DMGDH: variants seen among roughly 807,000 people sequenced by gnomAD.
The protein encoded by DMGDH is dimethylglycine dehydrogenase, also known as dimethylglycine dehydrogenase, mitochondrial.
In DMGDH, 76 loss-of-function variants were observed where a neutral mutation model predicts 95.2. The ratio of observed to expected loss-of-function variants is 0.80; its 90% CI spans 0.66 to 0.97. The LOEUF (loss-of-function observed/expected upper bound fraction) is 0.97, where lower values mean the gene tolerates loss of function less well. DMGDH is among the 50% of genes least tolerant of loss of function. The probability of loss-of-function intolerance (pLI) is 0.00; values close to 1 mark genes in which losing one functional copy is unlikely to be tolerated. For missense variants in DMGDH, 987 were observed against 1,055.0 expected, an observed-to-expected ratio of 0.94 and a Z score of 0.89; for synonymous variants, 345 against 377.6, an observed-to-expected ratio of 0.91 and a Z score of 1.00.
rs1188295868 is a variant in DMGDH at position 79,030,859 on chromosome 5, G to A, written c.1657C>T (p.His553Tyr). 2 of 1,613,864 alleles carry A rather than the reference G, an allele frequency of 1.2e-6. No individual in the cohort carries two copies. Among genetic ancestry groups the A allele is most frequent in the East Asian group, 4.5e-5 (2 of 44,870 alleles). Residue 553 changes from histidine (H) to tyrosine (Y), a missense_variant, in exon 10 of 16, where the codon CAT (histidine) becomes TAT (tyrosine). His to Tyr is a moderately conservative substitution (Grantham distance 83, BLOSUM62 2). Transcript: ENST00000255189. ...TTTGGAATGACATTTGCAAAGAGAT[G>A]GTCCAGTAGTCTAATGGAATCTTGG... ...KGQDSIRLLD[H>Y]LFANVIPKVG... is the part of the protein sequence containing the mutation.
In DMGDH at chr5:79,069,611, G is replaced by T. The variant is rs1755495652; in HGVS notation, c.10C>A (p.Pro4Thr). Residue 4 changes from proline (P) to threonine (T), a missense_variant, in exon 1 of 16, where the codon CCC becomes ACC. Coordinates refer to ENST00000255189, the MANE Select transcript of DMGDH (RefSeq NM_013391.3). MLRPGAQLLRGLLL... is the reference protein window; with the variant it reads MLRTGAQLLRGLLL... The stretch of plus-strand genomic sequence containing the variant: ...AGGCCCCGCAGCAGCTGCGCGCCGG[G>T]ACGGAGCATGACTAGGCCGAGGCCG... The T allele has an allele frequency of 2.9e-6, 4 of 1,372,782 alleles. No homozygotes were observed. The African/African-American group carries it at 6.0e-5, about 21-fold the overall frequency. The allele number at this position is 1,372,782 out of a possible 1,614,324, so 85.0% of individuals were successfully genotyped here.
At chr5:79,011,423 CA>C (rs1753645390) in intron 14 of DMGDH, among the ~76,000 whole-genome samples, 1 of 152,168 alleles carries the variant, frequency 6.6e-6, no homozygotes, top group Non-Finnish European at 1.5e-5. Context: ...CATAAGTTAA[CA>C]ATAACCACAA....
At chr5:79,050,273 AATATATATATATATATAT>A (rs761250761) in intron 5 of DMGDH, among the ~76,000 whole-genome samples, 1 of 20,916 alleles carries the variant, frequency 4.8e-5, no homozygotes, top group African/African-American at 1.6e-4. Context: ...AAAAAAAAAA[AATATATATATATATATAT>A]ATATATATAT....
intron 14 of DMGDH, among the ~76,000 whole-genome samples, chr5:79,019,955 T>C (rs1274426648): frequency 1.3e-5 from 2 of 152,210 alleles, no homozygotes; most frequent in African/African-American, 2.4e-5. Flanking sequence ...TGGCAGCTTC[T>C]GATTTTGGGG....
rs1298123752 is a variant in DMGDH at position 79,033,402 on chromosome 5, G to A, written c.1200C>T (p.Gly400=). 6.2e-7 allele frequency: 1 copy of A among 1,614,026 alleles called. No individual in the cohort carries two copies. Among genetic ancestry groups the A allele is most frequent in the Non-Finnish European group, 8.5e-7 (1 of 1,180,020 alleles). The change falls in exon 8 of 16, where the codon GGC becomes GGT. Residue 400 remains glycine, a synonymous_variant. Transcript: ENST00000255189. ...TCCCTACCCCACCAGCGTGGATTAT[G>A]CCATATCTTTCAAATACAGGGATAG... The part of the protein sequence containing the change: ...NYWVAIGFGY[G]IIHAGGVGKY...
At chr5:79,032,241 GA>G (rs1188578720) in intron 9 of DMGDH, among the ~76,000 whole-genome samples, 1 of 152,200 alleles carries the variant, frequency 6.6e-6, no homozygotes, top group Non-Finnish European at 1.5e-5. Flanking sequence ...TAATTTGCAT[GA>G]CTCAGTGCAC....
Position 79,037,098 on chromosome 5 carries a change from A to G in DMGDH, c.1194-3690T>C, listed in dbSNP as rs537672700. Among the ~76,000 whole-genome samples the G allele has an allele frequency of 1.2e-4, 18 of 152,262 alleles. No homozygotes were observed. The South Asian group carries it at 3.5e-3, about 30-fold the overall frequency. On this transcript the variant is annotated intron_variant, in intron 7 of 15. Transcript: ENST00000255189. ...TCTGCAACCCAGGAAGAGAGCCCTC[A>G]CCAGAACTCTGCCATGACGGCTCTG...
intron 15 of DMGDH, chr5:79,000,936 T>C (rs906671063): frequency 3.0e-6 from 2 of 674,170 alleles, no homozygotes; most frequent in African/African-American, 3.6e-5. Context: ...TGTACCTGGG[T>C]CCTCATTTGG....
intron 14 of DMGDH, among the ~76,000 whole-genome samples, chr5:79,009,915 G>A (rs1021511873): frequency 6.6e-6 from 1 of 152,148 alleles, no homozygotes; most frequent in Non-Finnish European, 1.5e-5. Flanking sequence ...GGTGCTTTCA[G>A]GATGACCCAA....
chr5:79,054,820 G>C (rs1361517979), intron 3 of DMGDH, among the ~76,000 whole-genome samples: 2 of 152,250 alleles, frequency 1.3e-5, no homozygotes, highest in African/African-American at 4.8e-5. Context: ...AAGTCCTTCA[G>C]TTTGCCAAGC....
intron 1 of DMGDH, among the ~76,000 whole-genome samples, chr5:79,064,776 G>T (rs1755323347): frequency 6.6e-6 from 1 of 151,392 alleles, no homozygotes. Flanking sequence ...CCAAGACAGA[G>T]TATTACTCTT....
Position 79,061,220 on chromosome 5 carries a change from A to AACACACACACAC in DMGDH, c.276+2381_276+2392dup, listed in dbSNP as rs34931005. Among the ~76,000 whole-genome samples, 211 of 141,742 alleles carry AACACACACACAC rather than the reference A, an allele frequency of 1.5e-3. 2 individuals carry two copies. Among genetic ancestry groups the AACACACACACAC allele is most frequent in the African/African-American group, 4.8e-3 (178 of 36,754 alleles). 93.0% of individuals were successfully genotyped at this position (141,742 alleles called of 152,430 possible). ...GGTGACAGAGTGAAACTCTGTCTCA[A>AACACACACACAC]ACACACACACACACACACACACACA... On this transcript the variant is annotated intron_variant, in intron 2 of 15. Transcript: ENST00000255189.
intron 5 of DMGDH, among the ~76,000 whole-genome samples, chr5:79,045,995 C>T (rs768143767): frequency 3.9e-5 from 6 of 152,152 alleles, no homozygotes; most frequent in Non-Finnish European, 7.4e-5. Context: ...ATAATGAATC[C>T]AGAAACGGGT....
At chr5:79,031,544 T>C (rs1168244559) in intron 9 of DMGDH, among the ~76,000 whole-genome samples, 1 of 152,224 alleles carries the variant, frequency 6.6e-6, no homozygotes, top group Non-Finnish European at 1.5e-5. Context: ...AGGAGATGCC[T>C]ATGCTGTTGG....
intron 12 of DMGDH, among the ~76,000 whole-genome samples, chr5:79,028,160 C>A (rs972711072): frequency 4.6e-5 from 7 of 151,880 alleles, no homozygotes; most frequent in African/African-American, 1.5e-4. Flanking sequence ...TTTTATCTGC[C>A]CTTCCAGATG....
intron 7 of DMGDH, 124 bp from the exon 8 acceptor site, chr5:79,033,532 CAT>C (rs1754253101): frequency 8.4e-7 from 1 of 1,185,064 alleles, no homozygotes; most frequent in South Asian, 1.3e-5. Flanking sequence ...ACACAAGTAA[CAT>C]AATCTCTATG....
chr5:79,005,402 T>G lies in DMGDH; in HGVS notation c.2256A>C (p.Ala752=), dbSNP rs778170170. ...LEYFVKLNKP[A]DFIGKQALKQ... is the part of the protein sequence containing the mutation. ...TCAGTGCTTGCTTTCCTATGAAGTC[T>G]GCTGGCTGCAGGAATCCAAGATAAT... Residue 752 remains alanine (A), a synonymous_variant, in exon 15 of 16, where the codon GCA becomes GCC. Coordinates refer to ENST00000255189, the MANE Select transcript of DMGDH (RefSeq NM_013391.3). The G allele has an allele frequency of 1.7e-5, 28 of 1,614,024 alleles. No individual in the cohort carries two copies. The highest frequency in any genetic ancestry group is 2.4e-5 in the Non-Finnish European group (28 of 1,180,018).
chr5:79,042,251 C>T (rs1408580556), intron 7 of DMGDH, 32 bp downstream of exon 7: 13 of 1,590,812 alleles, frequency 8.2e-6, no homozygotes, highest in Non-Finnish European at 1.1e-5. Flanking sequence ...AGTGATTCTA[C>T]AATAAATGTT....
intron 14 of DMGDH, among the ~76,000 whole-genome samples, chr5:79,009,365 CTTTTTT>C (rs34398829): frequency 7.5e-6 from 1 of 132,500 alleles, no homozygotes; most frequent in South Asian, 2.5e-4. Flanking sequence ...CTTTTCTTTT[CTTTTTT>C]TTTTTTTGAG....
Sources: allele counts gnomAD v4.1 joint callset (sites outside exome capture counted in the v4.1 genomes callset), GRCh38; gene constraint gnomAD v4.1.1; transcripts MANE v1.5; gene names NCBI Gene and HGNC (gene_info 2026-07-23, HGNC 2026-07-21).